The following LPP variants were observed in gnomAD, a reference collection of about 807,000 sequenced individuals.
LPP encodes the protein LIM domain containing preferred translocation partner in lipoma.
Under a neutral mutation model 60.4 loss-of-function variants are expected in LPP, and 38 were observed. That is an observed-to-expected ratio of 0.63 (90% confidence interval 0.49 to 0.83). The LOEUF is 0.83. LPP is among the 40% of genes least tolerant of loss of function. LPP has a pLI of 0.00. For missense variants in LPP, 902 were observed against 783.6 expected, an observed-to-expected ratio of 1.15 and a Z score of -1.80; for synonymous variants, 328 against 290.8, an observed-to-expected ratio of 1.13 and a Z score of -1.30.
intron 1 of LPP, among the ~76,000 whole-genome samples, chr3:188,190,248 G>A (rs903539559): frequency 6.6e-6 from 1 of 151,880 alleles, no homozygotes; most frequent in African/African-American, 2.4e-5. Flanking sequence ...TAGTAGAGAC[G>A]GGGTTTCACC....
Position 188,377,899 on chromosome 3 carries a change from T to A in LPP, c.-9-28213T>A, listed in dbSNP as rs370365993. ...GTGGGTTTTTGGTGTGGATGTCCTG[T>A]CTGTTTGTTAGTTTTCCTTCTAACA... On this transcript the variant is annotated intron_variant, in intron 3 of 11. Coordinates refer to ENST00000617246, the MANE Select transcript of LPP (RefSeq NM_001375462.1). Among the ~76,000 whole-genome samples the A allele has an allele frequency of 1.2e-4, 19 of 152,304 alleles. No homozygotes were observed. In the East Asian group the frequency reaches 3.1e-3, roughly 25 times the overall value.
chr3:188,846,872 T>C (rs1761572305), intron 9 of LPP, among the ~76,000 whole-genome samples: 1 of 152,126 alleles, frequency 6.6e-6, no homozygotes, highest in South Asian at 2.1e-4. Context: ...TTATAGTTTC[T>C]AGGTAAGAAA....
Position 188,182,685 on chromosome 3 carries a change from G to A in LPP, c.-190+28433G>A, listed in dbSNP as rs187325841. Among the ~76,000 whole-genome samples the A allele has an allele frequency of 6.7e-6, 1 of 149,664 alleles. No homozygotes were observed. The highest frequency in any genetic ancestry group is 6.7e-5 in the Admixed American group (1 of 14,918). ...GGGAACATAGGGATCTTTAAGTCCAGTGATTTTTAACCAGCTAAAGAATTG... is the reference window on the plus strand; with the variant it reads ...GGGAACATAGGGATCTTTAAGTCCAATGATTTTTAACCAGCTAAAGAATTG... On this transcript the variant is annotated intron_variant, in intron 1 of 11. Coordinates refer to ENST00000617246, the MANE Select transcript of LPP (RefSeq NM_001375462.1). The surrounding 1 kb of genome is among the most constrained non-coding windows in gnomAD (Gnocchi z 4.4).
chr3:188,700,449 A>G lies in LPP; in HGVS notation c.1114-7818A>G, dbSNP rs144806767. On this transcript the variant is annotated intron_variant, in intron 7 of 11. Coordinates refer to ENST00000617246, the MANE Select transcript of LPP (RefSeq NM_001375462.1). ...GTTAAAGTAGGTAAATTGTAGTAACAAAGATGCAAGATGGTGTGGTGTTTT... is the reference window on the plus strand; with the variant it reads ...GTTAAAGTAGGTAAATTGTAGTAACGAAGATGCAAGATGGTGTGGTGTTTT... Among the ~76,000 whole-genome samples the G allele has an allele frequency of 7.2e-4, 109 of 152,334 alleles. No homozygotes were observed. In the East Asian group the frequency reaches 0.019, roughly 27 times the overall value.
intron 7 of LPP, among the ~76,000 whole-genome samples, chr3:188,650,899 G>A (rs926910105): frequency 6.6e-5 from 10 of 152,070 alleles, no homozygotes; most frequent in African/African-American, 2.4e-4. Flanking sequence ...CTACTTGGTG[G>A]CATTGACTAG....
intron 3 of LPP, among the ~76,000 whole-genome samples, chr3:188,391,096 C>T (rs1253549510): frequency 6.6e-6 from 1 of 152,162 alleles, no homozygotes; most frequent in Non-Finnish European, 1.5e-5. Context: ...AGTAAATTCC[C>T]TCATGAGTAC....
intron 3 of LPP, among the ~76,000 whole-genome samples, chr3:188,355,957 G>C (rs1218975248): frequency 5.3e-5 from 8 of 152,164 alleles, no homozygotes; most frequent in Admixed American, 5.2e-4. Context: ...ACTTAAAACT[G>C]AATGGATTTC....
At chr3:188,825,885 T>C (rs954384905) in intron 9 of LPP, among the ~76,000 whole-genome samples, 3 of 152,158 alleles carry the variant, frequency 2.0e-5, no homozygotes, top group Non-Finnish European at 4.4e-5. Flanking sequence ...CTGTTGATGC[T>C]GACAGACGTA....
chr3:188,638,730 CAGAG>C (rs1849384842), intron 7 of LPP, among the ~76,000 whole-genome samples: 1 of 143,116 alleles, frequency 7.0e-6, no homozygotes, highest in Admixed American at 6.9e-5. Context: ...AACAGACAAA[CAGAG>C]AGCCAAATCA....
intron 6 of LPP, among the ~76,000 whole-genome samples, chr3:188,593,546 G>A (rs953486204): frequency 6.6e-6 from 1 of 151,994 alleles, no homozygotes; most frequent in African/African-American, 2.4e-5. Flanking sequence ...CCCATCACCT[G>A]AGCAGTATAC....
At chr3:188,685,135 T>C (rs1860411601) in intron 7 of LPP, among the ~76,000 whole-genome samples, 1 of 152,232 alleles carries the variant, frequency 6.6e-6, no homozygotes, top group Admixed American at 6.5e-5. Flanking sequence ...AAGGTCATAC[T>C]ATCAATTGTA....
intron 1 of LPP, among the ~76,000 whole-genome samples, chr3:188,159,502 T>A (rs1717542935): frequency 6.6e-6 from 1 of 152,224 alleles, no homozygotes; most frequent in Non-Finnish European, 1.5e-5. Context: ...CTCTCCACTT[T>A]AAAATAAGCT....
intron 1 of LPP, among the ~76,000 whole-genome samples, chr3:188,191,067 T>G (rs1728037252): frequency 6.6e-6 from 1 of 152,086 alleles, no homozygotes; most frequent in Non-Finnish European, 1.5e-5. Flanking sequence ...CCATCTCTAC[T>G]AAAAATACAA....
chr3:188,763,714 A>T (rs1733146855), intron 9 of LPP, among the ~76,000 whole-genome samples: 1 of 152,078 alleles, frequency 6.6e-6, no homozygotes, highest in South Asian at 2.1e-4. Flanking sequence ...TAGATTACAC[A>T]CTTCATTTTA....
intron 6 of LPP, among the ~76,000 whole-genome samples, chr3:188,597,087 C>T (rs1157972978): frequency 1.3e-5 from 2 of 152,138 alleles, no homozygotes; most frequent in Admixed American, 6.6e-5. Flanking sequence ...GTTAGGAACG[C>T]TGGTTTCAGA....
intron 2 of LPP, among the ~76,000 whole-genome samples, chr3:188,264,879 A>C (rs73888093): frequency 0.065 from 9,825 of 152,232 alleles, 580 homozygotes; most frequent in African/African-American, 0.16. Context: ...AAAATAAAAA[A>C]GCAAAACAAA....
At chr3:188,782,866 C>A (rs913319276) in intron 9 of LPP, among the ~76,000 whole-genome samples, 3 of 152,096 alleles carry the variant, frequency 2.0e-5, no homozygotes, top group Admixed American at 6.6e-5. Context: ...TTCAGACATT[C>A]TCTACTGTGA....
At chr3:188,760,926 C>T (rs1473956816) in intron 9 of LPP, among the ~76,000 whole-genome samples, 3 of 152,076 alleles carry the variant, frequency 2.0e-5, no homozygotes, top group African/African-American at 7.2e-5. Flanking sequence ...TAATAATATA[C>T]CTGGGTAACT....
At chr3:188,225,969 C>T (rs112894026) in intron 2 of LPP, among the ~76,000 whole-genome samples, 1 of 152,152 alleles carries the variant, frequency 6.6e-6, no homozygotes, top group Admixed American at 6.5e-5. Flanking sequence ...CTTGTTTGCC[C>T]TTGTGCAAAG....
Sources: allele counts gnomAD v4.1 joint callset (sites outside exome capture counted in the v4.1 genomes callset), GRCh38; gene constraint gnomAD v4.1.1; non-coding constraint Gnocchi (gnomAD v3.1); transcripts MANE v1.5; gene names NCBI Gene and HGNC (gene_info 2026-07-23, HGNC 2026-07-21).